The following TBL1X variants were observed in gnomAD, a reference collection of about 807,000 sequenced individuals.
TBL1X encodes the protein F-box-like/WD repeat-containing protein TBL1X.
A neutral mutation model predicts 50.7 loss-of-function variants in TBL1X; 10 were observed. That is an observed-to-expected ratio of 0.20 (90% confidence interval 0.12 to 0.33). The LOEUF is 0.33. Ranked by LOEUF, TBL1X falls within the 10% of genes least tolerant of loss-of-function variation. TBL1X has a pLI of 1.00. For missense variants in TBL1X, 340 were observed against 504.4 expected, an observed-to-expected ratio of 0.67 and a Z score of 3.12; for synonymous variants, 190 against 214.7, an observed-to-expected ratio of 0.88 and a Z score of 1.01.
intron 2 of TBL1X, among the ~76,000 whole-genome samples, chrX:9,504,236 G>A (rs1402937143): frequency 8.9e-6 from 1 of 111,779 alleles, no homozygotes; most frequent in Non-Finnish European, 1.9e-5. Context: ...CAAGCAGAAA[G>A]TGACAACAAC....
At chrX:9,537,509 A>C (rs1183404751) in intron 2 of TBL1X, among the ~76,000 whole-genome samples, 1 of 111,913 alleles carries the variant, frequency 8.9e-6, no homozygotes. Flanking sequence ...AGCCCCAGCA[A>C]CCAACGTTCT....
chrX:9,516,335 A>C (rs1327588998), intron 2 of TBL1X, among the ~76,000 whole-genome samples: 1 of 111,877 alleles, frequency 8.9e-6, no homozygotes, highest in Non-Finnish European at 1.9e-5. Flanking sequence ...AATAAAACAA[A>C]AGAGAGAAAG....
intron 5 of TBL1X, among the ~76,000 whole-genome samples, chrX:9,658,795 A>G (rs1208153380): frequency 9.0e-6 from 1 of 111,056 alleles, no homozygotes; most frequent in Non-Finnish European, 1.9e-5. Flanking sequence ...AGGTACTATG[A>G]AAAATTTTGT....
chrX:9,545,867 T>C (rs905368103), intron 2 of TBL1X, among the ~76,000 whole-genome samples: 4 of 111,986 alleles, frequency 3.6e-5, no homozygotes, highest in African/African-American at 1.3e-4. Context: ...TACGTCTCTT[T>C]AGTCTTCTGT....
chrX:9,698,577 T>C (rs73188242), intron 12 of TBL1X, among the ~76,000 whole-genome samples: 18,370 of 111,028 alleles, frequency 0.17, 1,230 homozygotes, highest in Non-Finnish European at 0.2. Context: ...AGAGTTTTTA[T>C]TGGGGGTTGG....
chrX:9,556,575 G>T (rs1021058113), intron 2 of TBL1X, among the ~76,000 whole-genome samples: 1 of 109,713 alleles, frequency 9.1e-6, no homozygotes, highest in East Asian at 2.9e-4. Context: ...GATCACTTGA[G>T]TCCAGGAGGT....
chrX:9,663,773 A>G lies in TBL1X; in HGVS notation c.211+9451A>G, dbSNP rs1008613972. On this transcript the variant is annotated intron_variant, in intron 5 of 17. Coordinates refer to ENST00000645353, the MANE Select transcript of TBL1X (RefSeq NM_005647.4). The stretch of plus-strand genomic sequence containing the variant: ...GAGATTCTGTCTCAAAAAAAAAAAA[A>G]AAAAAAAGGAAGAAGATTGCAGACT... Among the ~76,000 whole-genome samples the G allele has an allele frequency of 2.7e-5, 3 of 109,651 alleles. No individual in the cohort carries two copies. In the Admixed American group the frequency reaches 2.9e-4, roughly 11 times the overall value.
At chrX:9,660,961 C>T (rs922483996) in intron 5 of TBL1X, among the ~76,000 whole-genome samples, 1 of 112,090 alleles carries the variant, frequency 8.9e-6, no homozygotes, top group Non-Finnish European at 1.9e-5. Flanking sequence ...TCCTTTGCCC[C>T]TTCTACCATG....
At chrX:9,576,284 C>G (rs1449784111) in intron 2 of TBL1X, among the ~76,000 whole-genome samples, 1 of 112,185 alleles carries the variant, frequency 8.9e-6, no homozygotes, top group Non-Finnish European at 1.9e-5. Flanking sequence ...CAGTGTGTCT[C>G]TGCATTTGGG....
intron 2 of TBL1X, among the ~76,000 whole-genome samples, chrX:9,582,734 A>G (rs2082448759): frequency 8.9e-6 from 1 of 112,451 alleles, no homozygotes. Context: ...GAAGATTGGG[A>G]CAGATGCCAC....
rs143945393 is a variant in TBL1X, at chrX:9,615,256, T to C, written c.-130-25017T>C. Among the ~76,000 whole-genome samples, 399 of 112,440 alleles carry C rather than the reference T, an allele frequency of 3.5e-3. 3 individuals are homozygous for C. The highest frequency in any genetic ancestry group is 0.012 in the African/African-American group (372 of 30,942). ...TAGCTGATGGCCTAGAATATAACTT[T>C]CTGTAGCTTTCAAAGTGAGGATGAG... On this transcript the variant is annotated intron_variant, in intron 2 of 17. Transcript: ENST00000645353.
Position 9,709,134 on chromosome X carries a change from T to G in TBL1X, c.1237-114T>G. On this transcript the variant is annotated intron_variant, in intron 13 of 17. Coordinates refer to ENST00000645353, the MANE Select transcript of TBL1X (RefSeq NM_005647.4). ...TGGGCTGTGCCCTTTGATGTCAGGC[T>G]GAAGCCGAAGACCTTCTGCAGCGCC... The G allele has an allele frequency of 5.7e-6, 4 of 695,817 alleles. No individual in the cohort carries two copies. The South Asian group carries it at 1.0e-4, about 18-fold the overall frequency. The allele number at this position is 695,817 out of a possible 1,213,427, so 57.3% of individuals were successfully genotyped here. A position where few individuals can be genotyped will look rare whatever the true frequency, so the allele number is the denominator to read the frequency against.
At chrX:9,582,315 A>C (rs749997374) in intron 2 of TBL1X, among the ~76,000 whole-genome samples, 1 of 112,184 alleles carries the variant, frequency 8.9e-6, no homozygotes, top group African/African-American at 3.2e-5. Flanking sequence ...TAAGCAGCAC[A>C]CTTCTTTGCA....
chrX:9,505,193 T>C (rs773704468), intron 2 of TBL1X, among the ~76,000 whole-genome samples: 1 of 111,891 alleles, frequency 8.9e-6, no homozygotes, highest in Non-Finnish European at 1.9e-5. Flanking sequence ...ACCCAGAATT[T>C]TATATCTAGC....
At chrX:9,510,890 A>G (rs1363836154) in intron 2 of TBL1X, among the ~76,000 whole-genome samples, 1 of 111,653 alleles carries the variant, frequency 9.0e-6, no homozygotes, top group Non-Finnish European at 1.9e-5. Context: ...GCCGGCCTCC[A>G]CAATTGTGTG....
At chrX:9,471,381 C>G (rs909127688) in intron 1 of TBL1X, among the ~76,000 whole-genome samples, 2 of 112,005 alleles carry the variant, frequency 1.8e-5, no homozygotes, top group Non-Finnish European at 3.8e-5. Context: ...GATGAGTGGC[C>G]TCAAGCCTTT....
At chrX:9,519,239 T>TATATA (rs1456091222) in intron 2 of TBL1X, among the ~76,000 whole-genome samples, 1 of 111,123 alleles carries the variant, frequency 9.0e-6, no homozygotes, top group Non-Finnish European at 1.9e-5. Flanking sequence ...ACATATATAT[T>TATATA]TATTTAGTTT....
At chrX:9,654,402 C>T in intron 5 of TBL1X, 80 bp downstream of exon 5, 1 of 995,212 alleles carries the variant, frequency 1.0e-6, no homozygotes, top group Non-Finnish European at 1.4e-6. Flanking sequence ...TAATTCAAAA[C>T]CAGGCTGTAG....
intron 2 of TBL1X, among the ~76,000 whole-genome samples, chrX:9,620,677 A>G (rs762303416): frequency 2.1e-4 from 24 of 112,043 alleles, no homozygotes; most frequent in Non-Finnish European, 4.1e-4. Context: ...GAGGGAAAAC[A>G]CAGGCCAGGC....
Sources: gnomAD v4.1 joint callset for allele counts (sites outside exome capture counted in the v4.1 genomes callset) on GRCh38, gnomAD v4.1.1 for gene constraint, MANE v1.5 for transcripts, NCBI Gene and HGNC (gene_info 2026-07-23, HGNC 2026-07-21) for gene names.